ASPRV1: variants seen among roughly 807,000 people sequenced by gnomAD.
ASPRV1 encodes the protein aspartic peptidase retroviral like 1.
In ASPRV1, 7 loss-of-function variants were observed where a neutral mutation model predicts 11.0. The ratio of observed to expected loss-of-function variants is 0.64; its 90% CI spans 0.36 to 1.20. The LOEUF (loss-of-function observed/expected upper bound fraction) is 1.20, where lower values mean the gene tolerates loss of function less well. Ranked by LOEUF, ASPRV1 falls within the 50% of genes most tolerant of loss-of-function variation. The pLI, the probability that ASPRV1 is intolerant of heterozygous loss-of-function variation, is 0.02. For missense variants in ASPRV1, 299 were observed against 320.0 expected (o/e 0.93, Z 0.50); for synonymous variants, 136 against 138.4 (o/e 0.98, Z 0.12).
downstream of ASPRV1, among the ~76,000 whole-genome samples, chr2:69,956,436 A>G: frequency 6.7e-6 from 1 of 148,942 alleles, no homozygotes; most frequent in African/African-American, 2.5e-5. Context: ...AGAAAGAAGA[A>G]GGAGAAGGAG....
At chr2:70,075,943 G>A in the ASPRV1 span, among the ~76,000 whole-genome samples, 2 of 152,054 alleles carry the variant, frequency 1.3e-5, no homozygotes, top group African/African-American at 2.4e-5. Context: ...ATAATAACAA[G>A]AGAGGCCGGA....
the ASPRV1 span, among the ~76,000 whole-genome samples, chr2:70,014,035 C>G: frequency 6.6e-6 from 1 of 151,986 alleles, no homozygotes; most frequent in Non-Finnish European, 1.5e-5. Flanking sequence ...TTGTTAAAAC[C>G]ACTAAATAAA....
At chr2:69,984,610 CTTTTTTTTTTTTTT>C in the ASPRV1 span, among the ~76,000 whole-genome samples, 5 of 65,358 alleles carry the variant, frequency 7.7e-5, no homozygotes, top group Admixed American at 5.5e-4. Flanking sequence ...TCAGGTCCAG[CTTTTTTTTTTTTTT>C]TTTTTTTTTT....
chr2:70,076,079 T>C, the ASPRV1 span, among the ~76,000 whole-genome samples: 7 of 148,758 alleles, frequency 4.7e-5, no homozygotes, highest in Non-Finnish European at 1.0e-4. Flanking sequence ...TTCATGTCTT[T>C]GGATCTAGGG....
At chr2:70,060,542 G>A in the ASPRV1 span, among the ~76,000 whole-genome samples, 1 of 152,172 alleles carries the variant, frequency 6.6e-6, no homozygotes, top group African/African-American at 2.4e-5. Context: ...GCCGGGCACA[G>A]TGGCTTACGC....
chr2:70,074,582 CCT>C, the ASPRV1 span, among the ~76,000 whole-genome samples: 3 of 151,490 alleles, frequency 2.0e-5, no homozygotes, highest in East Asian at 5.9e-4. Flanking sequence ...GGCCCCAACC[CCT>C]TTGTTTAATG....
chr2:70,025,066 G>A, the ASPRV1 span, among the ~76,000 whole-genome samples: 1 of 152,116 alleles, frequency 6.6e-6, no homozygotes, highest in African/African-American at 2.4e-5. Flanking sequence ...GTGATTGGAT[G>A]TATAAAAATT....
chr2:70,028,802 C>T, the ASPRV1 span, among the ~76,000 whole-genome samples: 1 of 152,018 alleles, frequency 6.6e-6, no homozygotes, highest in African/African-American at 2.4e-5. Flanking sequence ...AATAGCCAGG[C>T]GTGGTGGCAC....
the ASPRV1 span, chr2:70,056,561 C>T: frequency 7.6e-6 from 1 of 131,804 alleles, no homozygotes; most frequent in African/African-American, 3.0e-5. Context: ...GCCGAGATCG[C>T]GCCACTTCAC....
At chr2:69,996,814 C>A in the ASPRV1 span, 1 of 442,200 alleles carries the variant, frequency 2.3e-6, no homozygotes, top group Admixed American at 2.6e-5. Flanking sequence ...CTGTCCCTAA[C>A]CGGAGGTGCT....
At chr2:70,047,234 G>A in the ASPRV1 span, among the ~76,000 whole-genome samples, 1 of 152,170 alleles carries the variant, frequency 6.6e-6, no homozygotes, top group Non-Finnish European at 1.5e-5. Flanking sequence ...AGGATCTAAA[G>A]CCAAAGGTCT....
At chr2:69,934,351 C>G in the ASPRV1 span, among the ~76,000 whole-genome samples, 4 of 152,184 alleles carry the variant, frequency 2.6e-5, no homozygotes, top group African/African-American at 2.4e-5. Context: ...TTTCCAGGTT[C>G]TAGAATAAAG....
the ASPRV1 span, among the ~76,000 whole-genome samples, chr2:70,047,823 G>C: frequency 6.6e-6 from 1 of 152,120 alleles, no homozygotes; most frequent in Admixed American, 6.6e-5. Context: ...AGAAAAACAA[G>C]TCATAGGCCA....
At chr2:69,999,031 T>A in the ASPRV1 span, among the ~76,000 whole-genome samples, 26 of 152,216 alleles carry the variant, frequency 1.7e-4, no homozygotes, top group Non-Finnish European at 4.4e-5. Context: ...TGGAGGTCAA[T>A]GACAGTGAGT....
chr2:69,949,961 G>A, the ASPRV1 span, among the ~76,000 whole-genome samples: 17 of 151,930 alleles, frequency 1.1e-4, no homozygotes, highest in Admixed American at 1.3e-4. Context: ...GATTACAGGC[G>A]TCTGCCACCG....
chr2:69,992,315 A>G, the ASPRV1 span, among the ~76,000 whole-genome samples: 2 of 152,330 alleles, frequency 1.3e-5, no homozygotes, highest in South Asian at 4.1e-4. Flanking sequence ...AAGGAAGCAA[A>G]CAAACAACTT....
the ASPRV1 span, among the ~76,000 whole-genome samples, chr2:70,051,736 G>A: frequency 6.6e-6 from 1 of 152,172 alleles, no homozygotes; most frequent in African/African-American, 2.4e-5. Flanking sequence ...CACTTTGGGA[G>A]GCTGAGGAGG....
chr2:69,939,996 T>C, the ASPRV1 span: 1 of 152,158 alleles, frequency 6.6e-6, no homozygotes, highest in Non-Finnish European at 1.5e-5. Flanking sequence ...TTTTAAAAAA[T>C]GATTCTTTAA....
At chr2:69,937,324 G>A in the ASPRV1 span, 1 of 1,614,176 alleles carries the variant, frequency 6.2e-7, no homozygotes, top group Non-Finnish European at 8.5e-7. Flanking sequence ...TGGAGAAGCT[G>A]GGCATTGAGA....
Sources: allele counts gnomAD v4.1 joint callset (sites outside exome capture counted in the v4.1 genomes callset), GRCh38; gene constraint gnomAD v4.1.1; transcripts MANE v1.5; gene names NCBI Gene and HGNC (gene_info 2026-07-23, HGNC 2026-07-21).